Variants in ASCC3 observed in about 807,000 individuals in gnomAD.
ASCC3 encodes the protein ASC-1 complex subunit P200.
In ASCC3, 158 loss-of-function variants were observed where a neutral mutation model predicts 256.3. The observed-to-expected ratio is 0.62, with a 90% confidence interval of 0.54 to 0.70. ASCC3 has a LOEUF of 0.70. Among genes scored for constraint, ASCC3 ranks in the 30% least tolerant of loss-of-function variants. The probability of loss-of-function intolerance (pLI) is 0.00; values close to 1 mark genes in which losing one functional copy is unlikely to be tolerated. For synonymous variants in ASCC3, 948 were observed against 883.4 expected, an observed-to-expected ratio of 1.07 and a Z score of -1.30; for missense variants, 2,259 against 2,626.0, an observed-to-expected ratio of 0.86 and a Z score of 3.05.
intron 14 of ASCC3, among the ~76,000 whole-genome samples, chr6:100,669,706 AAC>A (rs2114946232): frequency 6.6e-6 from 1 of 151,994 alleles, no homozygotes; most frequent in African/African-American, 2.4e-5. Flanking sequence ...AAATAAGTAA[AAC>A]AGTTTGATAA....
chr6:100,729,093 G>A (rs767487564), intron 10 of ASCC3, among the ~76,000 whole-genome samples: 1 of 152,076 alleles, frequency 6.6e-6, no homozygotes, highest in South Asian at 2.1e-4. Flanking sequence ...ATACAACTAT[G>A]GATGTCTGAA....
intron 13 of ASCC3, among the ~76,000 whole-genome samples, chr6:100,692,054 C>G (rs928785807): frequency 6.6e-6 from 1 of 152,052 alleles, no homozygotes; most frequent in African/African-American, 2.4e-5. Flanking sequence ...AGAAGTTTTT[C>G]TAACATTCAC....
rs1782284694 is a variant in ASCC3, at chr6:100,778,297, G to A, written c.1396-10952C>T. On this transcript the variant is annotated intron_variant, in intron 8 of 41. Transcript: ENST00000369162. ...ATTTGAAAGTCATGGAAAGGTCAAGGATTTTTAAAAATTAATTTTCAGAAA... is the reference window on the plus strand; with the variant it reads ...ATTTGAAAGTCATGGAAAGGTCAAGAATTTTTAAAAATTAATTTTCAGAAA... Among the ~76,000 whole-genome samples, 6 of 152,024 alleles carry A rather than the reference G, an allele frequency of 3.9e-5. No homozygotes were observed. The South Asian group carries it at 1.2e-3, about 32-fold the overall frequency.
intron 13 of ASCC3, among the ~76,000 whole-genome samples, chr6:100,685,451 C>A (rs1777527152): frequency 6.6e-6 from 1 of 152,150 alleles, no homozygotes; most frequent in African/African-American, 2.4e-5. Flanking sequence ...CCCTGATCAG[C>A]AGCATCAGCA....
chr6:100,529,142 ATG>A (rs146662357), intron 37 of ASCC3, among the ~76,000 whole-genome samples: 57 of 150,492 alleles, frequency 3.8e-4, no homozygotes, highest in African/African-American at 1.2e-3. Context: ...GGAACATAAA[ATG>A]TGTGTGTGTG....
At chr6:100,737,923 A>G (rs978056757) in intron 10 of ASCC3, among the ~76,000 whole-genome samples, 1 of 152,252 alleles carries the variant, frequency 6.6e-6, no homozygotes, top group East Asian at 1.9e-4. Flanking sequence ...CCATTCTGAC[A>G]GGCATGAGAT....
chr6:100,539,096 A>G (rs928795981), intron 37 of ASCC3, among the ~76,000 whole-genome samples: 3 of 152,122 alleles, frequency 2.0e-5, no homozygotes, highest in African/African-American at 7.2e-5. Context: ...AGAGTCTGTT[A>G]GTTCTCCTTA....
chr6:100,584,358 T>C (rs1303077294), intron 36 of ASCC3, among the ~76,000 whole-genome samples: 3 of 151,750 alleles, frequency 2.0e-5, no homozygotes, highest in Admixed American at 6.7e-5. Flanking sequence ...TCTTTGTGTC[T>C]TTTGATCTTT....
intron 1 of ASCC3, among the ~76,000 whole-genome samples, chr6:100,878,499 A>G (rs4840157): frequency 0.35 from 52,693 of 152,126 alleles, 10,723 homozygotes; most frequent in Middle Eastern, 0.49. Context: ...TTAACACCAG[A>G]TAAGGACAAG....
At chr6:100,640,479 C>T (rs533644506) in intron 24 of ASCC3, among the ~76,000 whole-genome samples, 1 of 152,202 alleles carries the variant, frequency 6.6e-6, no homozygotes, top group East Asian at 1.9e-4. Flanking sequence ...TAGGGTGATA[C>T]ATTCTTGGTC....
At chr6:100,677,882 G>A (rs1042473604) in intron 14 of ASCC3, among the ~76,000 whole-genome samples, 13 of 151,858 alleles carry the variant, frequency 8.6e-5, no homozygotes, top group South Asian at 4.2e-4. Context: ...AAAACTTTCC[G>A]TTTCTCTGTT....
chr6:100,830,440 T>C (rs540928517), intron 4 of ASCC3, among the ~76,000 whole-genome samples: 1 of 152,310 alleles, frequency 6.6e-6, no homozygotes, highest in African/African-American at 2.4e-5. Flanking sequence ...CATTTCATGG[T>C]AGACAATCAG....
chr6:100,632,401 C>A (rs1358782092), intron 25 of ASCC3, among the ~76,000 whole-genome samples: 1 of 151,782 alleles, frequency 6.6e-6, no homozygotes, highest in Non-Finnish European at 1.5e-5. Context: ...CAACCCAAAG[C>A]AATCTTCAGT....
intron 37 of ASCC3, among the ~76,000 whole-genome samples, chr6:100,519,406 T>G (rs1438446059): frequency 6.6e-6 from 1 of 152,146 alleles, no homozygotes; most frequent in Non-Finnish European, 1.5e-5. Flanking sequence ...TATACATGTA[T>G]GAATGCACAT....
chr6:100,788,141 T>C (rs6570971), intron 8 of ASCC3, among the ~76,000 whole-genome samples: 151,547 of 152,018 alleles, frequency 1, 75,539 homozygotes, highest in Middle Eastern at 1. Flanking sequence ...AACAAATTAC[T>C]CAATTAAAAA....
At chr6:100,727,231 C>G (rs1489950873) in intron 10 of ASCC3, among the ~76,000 whole-genome samples, 1 of 151,930 alleles carries the variant, frequency 6.6e-6, no homozygotes, top group Non-Finnish European at 1.5e-5. Context: ...TTAATCTAAA[C>G]TTTTAATGAT....
intron 3 of ASCC3, among the ~76,000 whole-genome samples, chr6:100,859,506 C>T (rs1773120751): frequency 6.6e-6 from 1 of 151,944 alleles, no homozygotes; most frequent in Non-Finnish European, 1.5e-5. Flanking sequence ...CCATTATGTC[C>T]ACACACAAAA....
intron 6 of ASCC3, 27 bp from the exon 7 acceptor site, chr6:100,799,599 T>C: frequency 1.2e-6 from 2 of 1,607,066 alleles, no homozygotes; most frequent in Non-Finnish European, 1.7e-6. Flanking sequence ...AGGCCTAATT[T>C]GAAATGTTTA....
chr6:100,625,142 T>C (rs911705909), intron 30 of ASCC3, 50 bp downstream of exon 30: 2 of 1,600,372 alleles, frequency 1.2e-6, no homozygotes, highest in African/African-American at 2.7e-5. Context: ...CATTCTAATA[T>C]AATACAACCT....
Sources: gnomAD v4.1 joint callset for allele counts (sites outside exome capture counted in the v4.1 genomes callset) on GRCh38, gnomAD v4.1.1 for gene constraint, MANE v1.5 for transcripts, NCBI Gene and HGNC (gene_info 2026-07-23, HGNC 2026-07-21) for gene names.